The following P3H2 variants were observed in gnomAD, a reference collection of about 807,000 sequenced individuals.
P3H2 encodes the protein leprecan-like 1.
A neutral mutation model predicts 87.0 loss-of-function variants in P3H2; 80 were observed. The observed-to-expected ratio is 0.92, with a 90% CI of 0.77 to 1.11. The LOEUF (loss-of-function observed/expected upper bound fraction) is 1.11. Among genes scored for constraint, P3H2 ranks in the 50% least tolerant of loss-of-function variants. P3H2 has a pLI of 0.00. For missense variants in P3H2, 1,001 were observed against 923.9 expected (o/e 1.08, Z -1.08); for synonymous variants, 367 against 359.3 (o/e 1.02, Z -0.24).
intron 3 of P3H2, 95 bp downstream of exon 3, chr3:189,993,999 G>A (rs957541657): frequency 5.4e-6 from 5 of 925,488 alleles, no homozygotes; most frequent in Admixed American, 2.1e-5. Flanking sequence ...TATTTTTACA[G>A]TATATTCTTC....
chr3:190,011,757 T>C (rs1331942142), intron 1 of P3H2, among the ~76,000 whole-genome samples: 1 of 152,176 alleles, frequency 6.6e-6, no homozygotes, highest in Non-Finnish European at 1.5e-5. Flanking sequence ...AATCATATGG[T>C]AGAGTATTAT....
chr3:190,095,668 T>A (rs1034123716), intron 1 of P3H2, among the ~76,000 whole-genome samples: 1 of 150,444 alleles, frequency 6.6e-6, no homozygotes, highest in African/African-American at 2.5e-5. Flanking sequence ...TGGCGTGATC[T>A]CGGCTCACTG....
intron 1 of P3H2, among the ~76,000 whole-genome samples, chr3:190,117,726 T>C (rs1288851402): frequency 1.1e-5 from 1 of 88,890 alleles, no homozygotes; most frequent in Non-Finnish European, 2.2e-5. Context: ...AAGCAAAGGC[T>C]AAAACTGGGG....
At chr3:190,054,432 A>G (rs1034622686) in intron 1 of P3H2, among the ~76,000 whole-genome samples, 8 of 152,150 alleles carry the variant, frequency 5.3e-5, no homozygotes, top group Admixed American at 2.6e-4. Flanking sequence ...AGAGAGAAAA[A>G]AAAAAGATCA....
Position 189,964,041 on chromosome 3 carries a change from G to C in P3H2, c.1951C>G (p.Pro651Ala), listed in dbSNP as rs759762051. Residue 651 changes from proline to alanine, a missense_variant, in exon 14 of 15, where the codon CCT (proline) becomes GCT (alanine). Pro to Ala is a conservative substitution (Grantham distance 27, BLOSUM62 -1). Coordinates refer to ENST00000319332, the MANE Select transcript of P3H2 (RefSeq NM_018192.4). ...TTGGTGACTGCCTTCACCCCATGAG[G>C]GTTCTCTCCTCCAGATGAGAAGCTG... Reference protein sequence around the residue: ...MISFSSGGENPHGVKAVTKGK... With the variant: ...MISFSSGGENAHGVKAVTKGK... The C allele has an allele frequency of 9.9e-6, 16 of 1,614,076 alleles. No individual in the cohort carries two copies. In the South Asian group the frequency reaches 1.6e-4, roughly 17 times the overall value.
intron 1 of P3H2, among the ~76,000 whole-genome samples, chr3:190,074,097 A>G (rs1164052124): frequency 1.3e-5 from 2 of 152,322 alleles, no homozygotes; most frequent in East Asian, 3.9e-4. Flanking sequence ...TGTACAAGCT[A>G]TATGACTCTA....
At chr3:189,974,207 T>C in intron 9 of P3H2, 1 of 604,480 alleles carries the variant, frequency 1.7e-6, no homozygotes, top group Non-Finnish European at 2.9e-6. Context: ...TATTATCAAA[T>C]ACTGTCACTT....
intron 1 of P3H2, among the ~76,000 whole-genome samples, chr3:190,052,179 T>G (rs139727797): frequency 6.6e-6 from 1 of 152,160 alleles, no homozygotes; most frequent in Non-Finnish European, 1.5e-5. Flanking sequence ...CCTATCAACC[T>G]GTCATTCAGG....
rs1202716732 is a variant in P3H2, at chr3:190,041,037, TACACACAC to T, written c.481-45603_481-45596del. ...TGGCTCTACTATATATATATATATATACACACACACACACACACACACACACACACACA... is the reference window on the plus strand; with the variant it reads ...TGGCTCTACTATATATATATATATATACACACACACACACACACACACACA... On this transcript the variant is annotated intron_variant, in intron 1 of 14. Coordinates refer to ENST00000319332, the MANE Select transcript of P3H2 (RefSeq NM_018192.4). Among the ~76,000 whole-genome samples the T allele has an allele frequency of 2.5e-3, 121 of 49,344 alleles. 2 individuals are homozygous for T. Among genetic ancestry groups the T allele is most frequent in the African/African-American group, 5.9e-3 (101 of 17,262 alleles). 32.4% of individuals were successfully genotyped at this position (49,344 alleles called of 152,430 possible).
At chr3:190,071,904 A>G (rs1475257821) in intron 1 of P3H2, among the ~76,000 whole-genome samples, 1 of 152,188 alleles carries the variant, frequency 6.6e-6, no homozygotes, top group African/African-American at 2.4e-5. Flanking sequence ...GACAAAAGAC[A>G]TAAACAATGA....
chr3:190,021,178 T>C (rs1206591126), intron 1 of P3H2, among the ~76,000 whole-genome samples: 3 of 134,632 alleles, frequency 2.2e-5, no homozygotes, highest in African/African-American at 7.7e-5. Flanking sequence ...AGAAACTTGG[T>C]CTGAAAAATT....
chr3:190,090,688 G>A (rs1201807479), intron 1 of P3H2, among the ~76,000 whole-genome samples: 1 of 145,318 alleles, frequency 6.9e-6, no homozygotes, highest in African/African-American at 2.8e-5. Context: ...GGGTGACAGA[G>A]CAAGACTCTG....
rs1384667336 is a variant in P3H2, at chr3:190,021,567, CT to C, written c.481-26126del. 6.0e-5 allele frequency among the ~76,000 whole-genome samples: 8 copies of C among 134,366 alleles called. 3 individuals are homozygous for C. The East Asian group carries it at 1.3e-3, about 21-fold the overall frequency. 88.1% of individuals were successfully genotyped at this position (134,366 alleles called of 152,430 possible). A position where few individuals can be genotyped will look rare whatever the true frequency, so the allele number is the denominator to read the frequency against. On this transcript the variant is annotated intron_variant, in intron 1 of 14. Coordinates refer to ENST00000319332, the MANE Select transcript of P3H2 (RefSeq NM_018192.4). ...ATATTTCATCCCTAAATTATGTAAACTTTTCTCTTTCAGTTTTAAAAAATAA... is the reference window on the plus strand; with the variant it reads ...ATATTTCATCCCTAAATTATGTAAACTTTCTCTTTCAGTTTTAAAAAATAA...
chr3:190,001,221 T>G (rs1268647220), intron 1 of P3H2, among the ~76,000 whole-genome samples: 2 of 152,202 alleles, frequency 1.3e-5, no homozygotes, highest in Admixed American at 1.3e-4. Flanking sequence ...AATACGAAAT[T>G]AAGAACAACT....
At chr3:190,073,622 C>A (rs996075873) in intron 1 of P3H2, among the ~76,000 whole-genome samples, 2 of 152,142 alleles carry the variant, frequency 1.3e-5, no homozygotes, top group African/African-American at 4.8e-5. Flanking sequence ...CCAGAAACTG[C>A]AGTGTGGTCA....
chr3:190,108,790 GTTTAA>G (rs1711953649), intron 1 of P3H2, among the ~76,000 whole-genome samples: 2 of 152,130 alleles, frequency 1.3e-5, no homozygotes, highest in Non-Finnish European at 2.9e-5. Flanking sequence ...AGAGAAAACA[GTTTAA>G]TTTAATGAAA....
intron 1 of P3H2, among the ~76,000 whole-genome samples, chr3:190,089,074 T>C (rs1170997884): frequency 6.6e-6 from 1 of 152,200 alleles, no homozygotes; most frequent in Non-Finnish European, 1.5e-5. Flanking sequence ...CCATATTCTC[T>C]AGCCCTTTAT....
intron 1 of P3H2, among the ~76,000 whole-genome samples, chr3:190,066,338 A>G (rs551362199): frequency 6.5e-4 from 99 of 152,138 alleles, no homozygotes; most frequent in African/African-American, 2.3e-3. Context: ...CATTCACACC[A>G]ACCTGTATGG....
chr3:190,044,317 C>G (rs1725733641), intron 1 of P3H2, among the ~76,000 whole-genome samples: 1 of 152,120 alleles, frequency 6.6e-6, no homozygotes, highest in African/African-American at 2.4e-5. Context: ...TCAGATGAGC[C>G]AGATGCCAAA....
Sources: gnomAD v4.1 joint callset for allele counts (sites outside exome capture counted in the v4.1 genomes callset) on GRCh38, gnomAD v4.1.1 for gene constraint, MANE v1.5 for transcripts, NCBI Gene and HGNC (gene_info 2026-07-23, HGNC 2026-07-21) for gene names.